The following HECTD4 variants were observed in gnomAD, a reference collection of about 807,000 sequenced individuals.
The protein encoded by HECTD4 is HECT domain E3 ubiquitin protein ligase 4, also known as probable E3 ubiquitin-protein ligase HECTD4.
Under a neutral mutation model 471.5 loss-of-function variants are expected in HECTD4, and 114 were observed. That is an observed-to-expected ratio of 0.24 (90% CI 0.21 to 0.28). The LOEUF is 0.28. Ranked by LOEUF, HECTD4 falls within the 10% of genes least tolerant of loss-of-function variation. The pLI is 1.00. For synonymous variants in HECTD4, 2,012 were observed against 2,256.0 expected (o/e 0.89, Z 3.07); for missense variants, 3,866 against 5,651.5 (o/e 0.68, Z 10.13).
chr12:112,228,122 G>C lies in HECTD4; in HGVS notation c.6821C>G (p.Ala2274Gly). 6.2e-7 allele frequency: 1 copy of C among 1,613,420 alleles called. No individual in the cohort carries two copies. The highest frequency in any genetic ancestry group is 8.5e-7 in the Non-Finnish European group (1 of 1,179,664). ...TATTTCAGCAAGGAGCCGAACGACTGCCATCACAGGAGCTGACCCATCTCC... is the reference window on the plus strand; with the variant it reads ...TATTTCAGCAAGGAGCCGAACGACTCCCATCACAGGAGCTGACCCATCTCC... ...ATGDGSAPVM[A>G]VVRLLAEIRT... Residue 2274 changes from alanine (A) to glycine (G), a missense_variant, in exon 43 of 76, where the codon GCA (alanine) becomes GGA (glycine). This residue lies in a region of HECTD4 where 617 missense variants were observed against 915.1 expected (regional missense o/e 0.67). Transcript: ENST00000682272. The surrounding 1 kb of genome is among the most constrained non-coding windows in gnomAD (Gnocchi z 4.9).
intron 1 of HECTD4, among the ~76,000 whole-genome samples, chr12:112,345,248 C>CTA (rs1244235349): frequency 6.6e-6 from 1 of 150,888 alleles, no homozygotes; most frequent in Non-Finnish European, 1.5e-5. Flanking sequence ...GAGCAAGACC[C>CTA]TATCCCCTAC....
Position 112,183,585 on chromosome 12 carries a change from G to T in HECTD4, c.10780-319C>A, listed in dbSNP as rs143260643. On this transcript the variant is annotated intron_variant, in intron 61 of 75. Transcript: ENST00000682272. ...CATGAAGGAGGATGATGGATTCAAA[G>T]AAGTGATTCTAGGAAAGAAACCAGC... 7.5e-3 allele frequency among the ~76,000 whole-genome samples: 1,138 copies of T among 152,312 alleles called. 8 individuals carry two copies. Among genetic ancestry groups the T allele is most frequent in the South Asian group, 8.9e-3 (43 of 4,826 alleles).
intron 1 of HECTD4, among the ~76,000 whole-genome samples, chr12:112,335,501 G>T (rs1340351124): frequency 1.3e-5 from 2 of 152,102 alleles, no homozygotes; most frequent in African/African-American, 4.8e-5. Flanking sequence ...GACCAGCCTG[G>T]CCAACATGGT....
chr12:112,284,909 A>AACC (rs2034719018), intron 7 of HECTD4, among the ~76,000 whole-genome samples: 2 of 151,940 alleles, frequency 1.3e-5, no homozygotes, highest in South Asian at 4.2e-4. Context: ...CAGCTCACTG[A>AACC]ACCCTCAATC....
chr12:112,357,366 T>C (rs1329172274), intron 1 of HECTD4, among the ~76,000 whole-genome samples: 2 of 152,112 alleles, frequency 1.3e-5, no homozygotes, highest in East Asian at 1.9e-4. Context: ...GTAAGACAGA[T>C]AAAACGCCAA....
chr12:112,344,536 T>C (rs1167121837), intron 1 of HECTD4, among the ~76,000 whole-genome samples: 1 of 152,188 alleles, frequency 6.6e-6, no homozygotes, highest in Non-Finnish European at 1.5e-5. Context: ...TAAGTATGAA[T>C]ACAGAAGAGG....
In HECTD4 at chr12:112,167,815, T is replaced by C. The variant is rs1231006893; in HGVS notation, c.12311A>G (p.Lys4104Arg). Residue 4104 changes from lysine to arginine, a missense_variant and splice_region_variant, in exon 71 of 76, where the codon AAG becomes AGG. Around this residue, in one of 16 missense-constraint regions of HECTD4, gnomAD observed 715 missense variants for 1,087.6 expected, o/e 0.66. Transcript: ENST00000682272. ...AGCCTCCTCCCGGCCTCTGCCTACC[T>C]TGTTCTTATTGACAGCTGAGCTGGG... ...LCPSSAVNKN[K>R]GKYILTPSPI... 1 of 1,613,228 alleles carries C rather than the reference T, an allele frequency of 6.2e-7. No homozygotes were observed.
chr12:112,256,541 AT>A, intron 20 of HECTD4, 23 bp from the exon 21 acceptor site: 1 of 1,481,802 alleles, frequency 6.7e-7, no homozygotes, highest in Non-Finnish European at 9.0e-7. Context: ...AGAGAAAGTG[AT>A]TTAGCTTAGC....
intron 43 of HECTD4, 123 bp from the exon 44 acceptor site, chr12:112,226,881 C>T: frequency 1.7e-6 from 1 of 595,532 alleles, no homozygotes; most frequent in Admixed American, 2.9e-5. Context: ...AAACACCCCA[C>T]TCATCTTGCT....
intron 1 of HECTD4, among the ~76,000 whole-genome samples, chr12:112,366,939 T>G (rs1032747881): frequency 2.6e-5 from 4 of 151,540 alleles, no homozygotes; most frequent in Non-Finnish European, 5.9e-5. Flanking sequence ...ACTATTTTTT[T>G]TTTGTATCGT....
chr12:112,288,291 C>T (rs2034800127), intron 7 of HECTD4, among the ~76,000 whole-genome samples: 1 of 148,950 alleles, frequency 6.7e-6, no homozygotes, highest in East Asian at 2.0e-4. Context: ...TGCACTCCAG[C>T]CTAGGTGACA....
intron 1 of HECTD4, among the ~76,000 whole-genome samples, chr12:112,377,754 C>T (rs968443821): frequency 7.2e-5 from 11 of 152,230 alleles, no homozygotes; most frequent in Middle Eastern, 3.4e-3. Flanking sequence ...CCTGTAATCC[C>T]AGCTAACTGG....
chr12:112,226,591 G>A (rs1566079182), intron 44 of HECTD4, 52 bp downstream of exon 44: 1 of 1,198,894 alleles, frequency 8.3e-7, no homozygotes. Flanking sequence ...AATTGCAAAT[G>A]TGCTGAGAAA....
intron 18 of HECTD4, among the ~76,000 whole-genome samples, chr12:112,259,943 A>C (rs538372432): frequency 1.3e-5 from 2 of 151,700 alleles, no homozygotes; most frequent in Admixed American, 1.3e-4. Flanking sequence ...TTCTTCCCCC[A>C]ATTTTTTTTT....
At chr12:112,233,452 G>A (rs1289834310) in intron 37 of HECTD4, among the ~76,000 whole-genome samples, 1 of 151,618 alleles carries the variant, frequency 6.6e-6, no homozygotes. Context: ...CGAACTCCTG[G>A]GCTCAAGCCA....
chr12:112,265,794 G>T, intron 15 of HECTD4, 84 bp downstream of exon 15: 1 of 990,442 alleles, frequency 1.0e-6, no homozygotes. Context: ...TATAACAGGA[G>T]ACTAAAGTTG....
intron 7 of HECTD4, among the ~76,000 whole-genome samples, chr12:112,284,459 T>C (rs896412788): frequency 2.6e-5 from 4 of 151,926 alleles, no homozygotes; most frequent in African/African-American, 9.7e-5. Context: ...CAGGGAAAGG[T>C]TGGTAACACA....
intron 34 of HECTD4, among the ~76,000 whole-genome samples, chr12:112,238,736 T>G (rs1278644480): frequency 6.6e-6 from 1 of 152,104 alleles, no homozygotes; most frequent in African/African-American, 2.4e-5. Context: ...CTAATAAATT[T>G]TTTTTAATTA....
chr12:112,336,488 A>G (rs187965016), intron 1 of HECTD4, among the ~76,000 whole-genome samples: 13 of 151,920 alleles, frequency 8.6e-5, no homozygotes, highest in African/African-American at 2.9e-4. Context: ...GCTCCACTGC[A>G]CTCCAACCTG....
Sources: gnomAD v4.1 joint callset for allele counts (sites outside exome capture counted in the v4.1 genomes callset) on GRCh38, gnomAD v4.1.1 for gene constraint, gnomAD v4.1.1 regional missense constraint, Gnocchi (gnomAD v3.1) non-coding constraint, MANE v1.5 for transcripts, NCBI Gene and HGNC (gene_info 2026-07-23, HGNC 2026-07-21) for gene names.